Variants in MCAM observed in about 807,000 individuals in gnomAD.
The protein encoded by MCAM is melanoma cell adhesion molecule.
MCAM carries 55 observed loss-of-function variants against 79.1 expected under a neutral mutation model. That is an observed-to-expected ratio of 0.70 (90% CI 0.56 to 0.87). The LOEUF is 0.87. Ranked by LOEUF, MCAM falls within the 40% of genes least tolerant of loss-of-function variation. The pLI, the probability that MCAM is intolerant of heterozygous loss-of-function variation, is 0.00. For synonymous variants in MCAM, 330 were observed against 339.8 expected (o/e 0.97, Z 0.32); for missense variants, 745 against 839.8 (o/e 0.89, Z 1.40).
In MCAM at chr11:119,309,164, CAG is replaced by C. The variant is rs1950189059; in HGVS notation, c.*720_*721del. On this transcript the variant is annotated 3_prime_UTR_variant, in exon 16 of 16. Transcript: ENST00000264036. ...TTTTTTTTTGTATTTTTAGTAGAGA[CAG>C]GGTTTCACCGTGTTAGCCAGGATGG... 1 of 152,174 alleles carries C rather than the reference CAG, an allele frequency of 6.6e-6. No individual in the cohort carries two copies. Among genetic ancestry groups the C allele is most frequent in the Non-Finnish European group, 1.5e-5 (1 of 68,084 alleles). The allele number at this position is 152,174 out of a possible 1,614,324, so 9.4% of individuals were successfully genotyped here.
At position 119,314,422 on chromosome 11, in the gene MCAM, C is replaced by T. The variant is rs374843434; in HGVS notation, c.559+67G>A. 5.2e-4 allele frequency: 736 copies of T among 1,428,376 alleles called. 4 individuals carry two copies. The African/African-American group carries it at 8.2e-3, about 16-fold the overall frequency. The allele number at this position is 1,428,376 out of a possible 1,614,324, so 88.5% of individuals were successfully genotyped here. ...CCTCCTGCCTTGGCCTCCCAAAGCA[C>T]CGAGATTACAGGTGTGAGCTACCAC... On this transcript the variant is annotated intron_variant, in intron 5 of 15. Transcript: ENST00000264036.
chr11:119,316,999 C>T lies in MCAM; in HGVS notation c.67+36G>A, dbSNP rs1950317613. On this transcript the variant is annotated intron_variant, in intron 1 of 15. Coordinates refer to ENST00000264036, the MANE Select transcript of MCAM (RefSeq NM_006500.3). The surrounding 1 kb of genome is among the most constrained non-coding windows in gnomAD (Gnocchi z 4.8). ...CCCTGGCACGCTCCACCGCAGACCC[C>T]TAGCCGGGGCGCGGCCCCCCTGCGA... The T allele has an allele frequency of 6.6e-7, 1 of 1,515,898 alleles. No homozygotes were observed. The highest frequency in any genetic ancestry group is 1.4e-5 in the African/African-American group (1 of 71,040). 93.9% of individuals were successfully genotyped at this position (1,515,898 alleles called of 1,614,324 possible).
intron 13 of MCAM, 76 bp from the exon 14 acceptor site, chr11:119,310,979 G>T: frequency 6.2e-7 from 1 of 1,613,702 alleles, no homozygotes; most frequent in Non-Finnish European, 8.5e-7. Flanking sequence ...GCCAGTCCAG[G>T]GCCGACAAGA....
Position 119,310,821 on chromosome 11 carries a change from G to A in MCAM, c.1728C>T (p.Gly576=), listed in dbSNP as rs889103798. ...IVCILVLAVL[G]AVLYFLYKKG... The stretch of plus-strand genomic sequence containing the variant: ...TCTTATAGAGGAAATAGAGGACAGC[G>A]CCCAGCACCGCCAGGACCAGGATGC... Residue 576 remains glycine, a synonymous_variant, in exon 14 of 16, where the codon GGC becomes GGT. Transcript: ENST00000264036. The A allele has an allele frequency of 1.1e-5, 18 of 1,614,026 alleles. 1 individual carries two copies. The highest frequency in any genetic ancestry group is 5.0e-5 in the Admixed American group (3 of 60,002).
intron 5 of MCAM, chr11:119,313,349 A>G: frequency 7.8e-7 from 1 of 1,286,892 alleles, no homozygotes; most frequent in African/African-American, 1.5e-5. Flanking sequence ...CTAACAATGT[A>G]TACCATACAC....
Position 119,311,070 on chromosome 11 carries a change from T to G in MCAM, c.1645+20A>C, listed in dbSNP as rs200634327. 6 of 1,614,260 alleles carry G rather than the reference T, an allele frequency of 3.7e-6. No homozygotes were observed. Among genetic ancestry groups the G allele is most frequent in the African/African-American group, 1.3e-5 (1 of 75,074 alleles). On this transcript the variant is annotated intron_variant, in intron 13 of 15. Coordinates refer to ENST00000264036, the MANE Select transcript of MCAM (RefSeq NM_006500.3). This position sits in a 1 kb window ranked among gnomAD's most constrained non-coding sequence, Gnocchi z 4.4. ...AGGATGCCCTGGCACAGCCCTGTTCTCTTGCCAGGCCTGGCTTACCTGTGG... is the reference window on the plus strand; with the variant it reads ...AGGATGCCCTGGCACAGCCCTGTTCGCTTGCCAGGCCTGGCTTACCTGTGG...
chr11:119,309,885 G>A lies in MCAM; in HGVS notation c.*1C>T, dbSNP rs150929022. Reference sequence around the variant, plus strand: ...GGGAAGGGAGCTGAAGTGATTCGGGGCTAATGCCTCAGATCGATGTATTTC... The same window carrying A: ...GGGAAGGGAGCTGAAGTGATTCGGGACTAATGCCTCAGATCGATGTATTTC... On this transcript the variant is annotated 3_prime_UTR_variant, in exon 16 of 16. Coordinates refer to ENST00000264036, the MANE Select transcript of MCAM (RefSeq NM_006500.3). 7.2e-5 allele frequency: 115 copies of A among 1,600,324 alleles called. No individual in the cohort carries two copies. The highest frequency in any genetic ancestry group is 3.4e-4 in the Middle Eastern group (2 of 5,884).
Position 119,315,371 on chromosome 11 carries a change from C to T in MCAM, c.68-108G>A. On this transcript the variant is annotated intron_variant, in intron 1 of 15. Transcript: ENST00000264036. This position sits in a 1 kb window ranked among gnomAD's most constrained non-coding sequence, Gnocchi z 4.4. Reference sequence around the variant, plus strand: ...TTTTTCCTGCCACTCAGAGGGTCTGCAGAGGGCCCTGTCCTCTGAACGCTC... The same window carrying T: ...TTTTTCCTGCCACTCAGAGGGTCTGTAGAGGGCCCTGTCCTCTGAACGCTC... The T allele has an allele frequency of 7.1e-7, 1 of 1,399,186 alleles. No individual in the cohort carries two copies. Among genetic ancestry groups the T allele is most frequent in the Non-Finnish European group, 9.6e-7 (1 of 1,038,846 alleles). The allele number at this position is 1,399,186 out of a possible 1,614,324, so 86.7% of individuals were successfully genotyped here.
rs1322389816 is a variant in MCAM at position 119,311,973 on chromosome 11, G to C, written c.1144-24C>G. 6.8e-6 allele frequency: 11 copies of C among 1,612,716 alleles called. No homozygotes were observed. The highest frequency in any genetic ancestry group is 9.3e-6 in the Non-Finnish European group (11 of 1,179,684). On this transcript the variant is annotated intron_variant, in intron 9 of 15. Coordinates refer to ENST00000264036, the MANE Select transcript of MCAM (RefSeq NM_006500.3). This position sits in a 1 kb window ranked among gnomAD's most constrained non-coding sequence, Gnocchi z 4.4. ...GTCTGGGATGAGAGATGGGTCAGAG[G>C]GTCTGGGAAAGAGCACATTCTTGTC...
chr11:119,312,822 CAGCCGGT>C lies in MCAM; in HGVS notation c.680_686del (p.Tyr227CysfsTer7), dbSNP rs1205410994. ...ACTCCTTCATGTGGTTCCCACTGGG[CAGCCGGT>C]AGTTGAGCTCACAGTAAAACTGGGC... On this transcript the variant is annotated frameshift_variant, in exon 6 of 16. Coordinates refer to ENST00000264036, the MANE Select transcript of MCAM (RefSeq NM_006500.3). LOFTEE classifies it high-confidence loss of function. The surrounding 1 kb of genome is among the most constrained non-coding windows in gnomAD (Gnocchi z 4.9). 1 of 1,614,204 alleles carries C rather than the reference CAGCCGGT, an allele frequency of 6.2e-7. No individual in the cohort carries two copies.
Position 119,314,962 on chromosome 11 carries a change from G to A in MCAM, c.271C>T (p.Arg91Trp), listed in dbSNP as rs537622832. ...GCCCCTCTGTCCTGGAGGCTGAGCCGCTGCTCGTACTCCCCAGGTTCGCTC... is the reference window on the plus strand; with the variant it reads ...GCCCCTCTGTCCTGGAGGCTGAGCCACTGCTCGTACTCCCCAGGTTCGCTC... ...GQSEPGEYEQ[R>W]LSLQDRGATL... The change falls in exon 3 of 16, where the codon CGG (arginine) becomes TGG (tryptophan). Residue 91 changes from arginine (R) to tryptophan (W), a missense_variant. By Grantham distance (101) the Arg-to-Trp change is moderately radical. Transcript: ENST00000264036. 6.2e-7 allele frequency: 1 copy of A among 1,612,088 alleles called. No individual in the cohort carries two copies. Among genetic ancestry groups the A allele is most frequent in the Non-Finnish European group, 8.5e-7 (1 of 1,179,992 alleles).
At position 119,316,544 on chromosome 11, in the gene MCAM, C is replaced by A. The variant is rs1489784229; in HGVS notation, c.67+491G>T. On this transcript the variant is annotated intron_variant, in intron 1 of 15. Coordinates refer to ENST00000264036, the MANE Select transcript of MCAM (RefSeq NM_006500.3). The surrounding 1 kb of genome is among the most constrained non-coding windows in gnomAD (Gnocchi z 4.8). Reference sequence around the variant, plus strand: ...CCCAGCTCGGGCGGGAGCCGCCGAACCTCCCGCTCTCGCTCACCTCCAGCC... The same window carrying A: ...CCCAGCTCGGGCGGGAGCCGCCGAAACTCCCGCTCTCGCTCACCTCCAGCC... 10 of 154,326 alleles carry A rather than the reference C, an allele frequency of 6.5e-5. No homozygotes were observed. Among genetic ancestry groups the A allele is most frequent in the African/African-American group, 2.4e-4 (10 of 41,480 alleles). 9.6% of individuals were successfully genotyped at this position (154,326 alleles called of 1,614,324 possible).
chr11:119,312,188 ATG>A lies in MCAM; in HGVS notation c.1025-20_1025-19del. The A allele has an allele frequency of 6.2e-7, 1 of 1,610,766 alleles. No homozygotes were observed. The highest frequency in any genetic ancestry group is 8.5e-7 in the Non-Finnish European group (1 of 1,177,922). On this transcript the variant is annotated intron_variant, in intron 8 of 15. Coordinates refer to ENST00000264036, the MANE Select transcript of MCAM (RefSeq NM_006500.3). This position sits in a 1 kb window ranked among gnomAD's most constrained non-coding sequence, Gnocchi z 4.9. Reference sequence around the variant, plus strand: ...AGACACATCTGGGGGTACAGCAATCATGTCACCCAGGGCAGGGTGGGGCCAGT... The same window carrying A: ...AGACACATCTGGGGGTACAGCAATCATCACCCAGGGCAGGGTGGGGCCAGT...
In MCAM at chr11:119,311,013, G is replaced by A; in HGVS notation, c.1645+77C>T. ...GATGGGGCTGCTACTCACCTTTCTGGACAGGGCTCTCTGGGGAGGGACAGG... is the reference window on the plus strand; with the variant it reads ...GATGGGGCTGCTACTCACCTTTCTGAACAGGGCTCTCTGGGGAGGGACAGG... On this transcript the variant is annotated intron_variant, in intron 13 of 15. Transcript: ENST00000264036. The surrounding 1 kb of genome is among the most constrained non-coding windows in gnomAD (Gnocchi z 4.4). The A allele has an allele frequency of 6.2e-7, 1 of 1,614,016 alleles. No individual in the cohort carries two copies. The highest frequency in any genetic ancestry group is 8.5e-7 in the Non-Finnish European group (1 of 1,179,946).
chr11:119,314,996 G>T lies in MCAM; in HGVS notation c.237C>A (p.Gly79=). ...ACTCCCCAGGTTCGCTCTGGCCCTG[G>T]CCCTGGCGCACACGGAAGATGAGCG... The part of the protein sequence containing the change: ...KRTLIFRVRQ[G]QGQSEPGEYE... The change falls in exon 3 of 16, where the codon GGC becomes GGA. Residue 79 remains glycine, a synonymous_variant. Coordinates refer to ENST00000264036, the MANE Select transcript of MCAM (RefSeq NM_006500.3). 1 of 1,609,918 alleles carries T rather than the reference G, an allele frequency of 6.2e-7. No homozygotes were observed. Among genetic ancestry groups the T allele is most frequent in the Non-Finnish European group, 8.5e-7 (1 of 1,179,978 alleles).
rs371848680 is a variant in MCAM at position 119,312,001 on chromosome 11, C to T, written c.1143+51G>A. ...CTGGGAAAGAGCACATTCTTGTCAC[C>T]GCCAGCCCCACCCACCCCATCAGCC... On this transcript the variant is annotated intron_variant, in intron 9 of 15. Transcript: ENST00000264036. The surrounding 1 kb of genome is among the most constrained non-coding windows in gnomAD (Gnocchi z 4.9). 1.6e-4 allele frequency: 261 copies of T among 1,608,612 alleles called. No homozygotes were observed. The African/African-American group carries it at 2.7e-3, about 17-fold the overall frequency.
intron 13 of MCAM, 56 bp from the exon 14 acceptor site, chr11:119,310,959 C>T (rs571476783): frequency 1.5e-5 from 24 of 1,613,786 alleles, no homozygotes; most frequent in Admixed American, 1.0e-4. Flanking sequence ...TCGTCACCAT[C>T]GTTGGCCCAG....
intron 5 of MCAM, chr11:119,314,134 G>T: frequency 1.5e-6 from 1 of 662,304 alleles, no homozygotes; most frequent in Non-Finnish European, 1.9e-6. Context: ...GAAAATATAA[G>T]GCAGTTCCTG....
chr11:119,316,991 G>T lies in MCAM; in HGVS notation c.67+44C>A. On this transcript the variant is annotated intron_variant, in intron 1 of 15. Coordinates refer to ENST00000264036, the MANE Select transcript of MCAM (RefSeq NM_006500.3). The surrounding 1 kb of genome is among the most constrained non-coding windows in gnomAD (Gnocchi z 4.8). Reference sequence around the variant, plus strand: ...GCTCTGCTCCCTGGCACGCTCCACCGCAGACCCCTAGCCGGGGCGCGGCCC... The same window carrying T: ...GCTCTGCTCCCTGGCACGCTCCACCTCAGACCCCTAGCCGGGGCGCGGCCC... 2.7e-6 allele frequency: 4 copies of T among 1,489,622 alleles called. No homozygotes were observed. The highest frequency in any genetic ancestry group is 2.7e-6 in the Non-Finnish European group (3 of 1,111,870). The allele number at this position is 1,489,622 out of a possible 1,614,324, so 92.3% of individuals were successfully genotyped here.
Sources: gnomAD v4.1 joint callset for allele counts on GRCh38, gnomAD v4.1.1 for gene constraint, Gnocchi (gnomAD v3.1) non-coding constraint, MANE v1.5 for transcripts, NCBI Gene and HGNC (gene_info 2026-07-23, HGNC 2026-07-21) for gene names.